NEDD9: variants seen among roughly 807,000 people sequenced by gnomAD.
NEDD9 encodes the protein enhancer of filamentation 1.
In NEDD9, 26 loss-of-function variants were observed where a neutral mutation model predicts 76.6. That is an observed-to-expected ratio of 0.34 (90% confidence interval 0.25 to 0.47). NEDD9 has a LOEUF of 0.47. Ranked by LOEUF, NEDD9 falls within the 20% of genes least tolerant of loss-of-function variation. The pLI, the probability that NEDD9 is intolerant of heterozygous loss-of-function variation, is 1.00. For missense variants in NEDD9, 937 were observed against 1,058.5 expected, an observed-to-expected ratio of 0.89 and a Z score of 1.59; for synonymous variants, 392 against 414.2, an observed-to-expected ratio of 0.95 and a Z score of 0.65.
chr6:11,305,046 G>A lies in NEDD9; in HGVS notation c.12+946C>T, dbSNP rs540629529. On this transcript the variant is annotated intron_variant, in intron 3 of 3. Coordinates refer to the NEDD9 transcript ENST00000397378. ...TTACTTATCAAATTATTTAAAGAAA[G>A]CATTTCTTATTATATTTACCTTGGA... The A allele has an allele frequency of 1.0e-4, 127 of 1,247,618 alleles. No individual in the cohort carries two copies. In the South Asian group the frequency reaches 1.6e-3, roughly 16 times the overall value. The allele number at this position is 1,247,618 out of a possible 1,614,324, so 77.3% of individuals were successfully genotyped here. A position where few individuals can be genotyped will look rare whatever the true frequency, so the allele number is the denominator to read the frequency against.
chr6:11,190,742 G>A lies in NEDD9; in HGVS notation c.1127C>T (p.Thr376Ile). The part of the protein sequence containing the change: ...NRLSFSSTGS[T>I]RSNMSTSSTS... ...GGAAGACGTGGACATGTTACTCCGG[G>A]TGCTGCCTGTACTGGAGAAAGACAA... The change falls in exon 5 of 7, where the codon ACC (threonine) becomes ATC (isoleucine). Residue 376 changes from threonine (T) to isoleucine (I), a missense_variant. Physicochemically the swap from Thr to Ile is moderately conservative, Grantham distance 89 (BLOSUM62 -1). Transcript: ENST00000379446. This position sits in a 1 kb window ranked among gnomAD's most constrained non-coding sequence, Gnocchi z 5.8. 1 of 1,614,148 alleles carries A rather than the reference G, an allele frequency of 6.2e-7. No homozygotes were observed. Among genetic ancestry groups the A allele is most frequent in the Non-Finnish European group, 8.5e-7 (1 of 1,180,036 alleles).
At chr6:11,238,358 G>A (rs1043840453) in intron 3 of NEDD9, among the ~76,000 whole-genome samples, 12 of 152,164 alleles carry the variant, frequency 7.9e-5, no homozygotes, top group African/African-American at 2.7e-4. Flanking sequence ...GAGCTATATT[G>A]CTGCCATTCT....
At chr6:11,210,766 G>GGGGAGAGAGA (rs1554125281) in intron 2 of NEDD9, among the ~76,000 whole-genome samples, 2 of 121,852 alleles carry the variant, frequency 1.6e-5, no homozygotes, top group South Asian at 2.9e-4. Flanking sequence ...AGGGATGGGG[G>GGGGAGAGAGA]GAGAGAGAGA....
intron 1 of NEDD9, chr6:11,352,918 T>G (rs1352687133): frequency 1.3e-5 from 2 of 152,280 alleles, no homozygotes; most frequent in East Asian, 3.8e-4. Context: ...TTGGCAGAGT[T>G]ATTTGAGGAT....
intron 1 of NEDD9, among the ~76,000 whole-genome samples, chr6:11,368,689 C>T (rs866494926): frequency 2.0e-5 from 3 of 152,218 alleles, no homozygotes; most frequent in Admixed American, 1.3e-4. Context: ...AATATCATTT[C>T]GGCTTTCTTT....
chr6:11,342,002 C>G lies in NEDD9; in HGVS notation c.-213-7441G>C, dbSNP rs145772521. Among the ~76,000 whole-genome samples the G allele has an allele frequency of 3.1e-3, 468 of 151,852 alleles. 2 individuals carry two copies. Among genetic ancestry groups the G allele is most frequent in the Non-Finnish European group, 5.9e-3 (400 of 67,944 alleles). ...GAATTTTTAGTAGATAAATGGGAAC[C>G]CTAAAAAGAAACAAATGGAAATTCT... On this transcript the variant is annotated intron_variant, in intron 1 of 3. Transcript: ENST00000397378.
At chr6:11,233,925 C>T (rs545155353), upstream of NEDD9, among the ~76,000 whole-genome samples, 3 of 152,094 alleles carry the variant, frequency 2.0e-5, no homozygotes, top group South Asian at 6.2e-4. Context: ...ATCTGATTCC[C>T]TTCGCGTCTA....
chr6:11,206,095 A>C (rs1217995228), intron 2 of NEDD9, among the ~76,000 whole-genome samples: 4 of 152,186 alleles, frequency 2.6e-5, no homozygotes, highest in African/African-American at 9.7e-5. Context: ...CATTTTGCAC[A>C]ATGTAGTCAA....
At chr6:11,305,301 CAG>C (rs1761153263) in intron 3 of NEDD9, 10 of 444,984 alleles carry the variant, frequency 2.2e-5, no homozygotes, top group Non-Finnish European at 3.4e-5. Context: ...AACACAGAAA[CAG>C]AGATTCAAAA....
At chr6:11,372,784 T>A (rs1171390098) in intron 1 of NEDD9, among the ~76,000 whole-genome samples, 1 of 152,224 alleles carries the variant, frequency 6.6e-6, no homozygotes. Flanking sequence ...CTGCTTGCCA[T>A]TTGTATTTTT....
At chr6:11,188,164 G>A in intron 6 of NEDD9, 54 bp downstream of exon 6, 1 of 1,306,718 alleles carries the variant, frequency 7.7e-7, no homozygotes, top group Non-Finnish European at 1.1e-6. Flanking sequence ...TTTCCTTAGT[G>A]CTAGGTGGGA....
At chr6:11,248,275 T>C (rs1759848708) in intron 3 of NEDD9, among the ~76,000 whole-genome samples, 1 of 151,800 alleles carries the variant, frequency 6.6e-6, no homozygotes, top group Admixed American at 6.6e-5. Context: ...AGAAGTCATG[T>C]GCCAGATACA....
intron 1 of NEDD9, among the ~76,000 whole-genome samples, chr6:11,216,035 T>A (rs994850111): frequency 2.0e-5 from 3 of 152,158 alleles, no homozygotes; most frequent in African/African-American, 7.2e-5. Flanking sequence ...TCTTACCACC[T>A]GGTGAGCAGC....
intron 1 of NEDD9, among the ~76,000 whole-genome samples, chr6:11,219,983 C>T (rs1044618673): frequency 6.6e-6 from 1 of 152,138 alleles, no homozygotes; most frequent in Non-Finnish European, 1.5e-5. Flanking sequence ...AAGTCACAGG[C>T]ATGAAGCTTT....
intron 3 of NEDD9, among the ~76,000 whole-genome samples, chr6:11,280,491 G>C (rs928582293): frequency 4.6e-5 from 7 of 152,218 alleles, no homozygotes; most frequent in African/African-American, 1.7e-4. Context: ...CCATGGGGAG[G>C]ACTGGGTGTC....
chr6:11,253,023 A>G (rs985469864), intron 3 of NEDD9, among the ~76,000 whole-genome samples: 5 of 152,220 alleles, frequency 3.3e-5, no homozygotes, highest in South Asian at 2.1e-4. Flanking sequence ...GAGTAGGGGC[A>G]CGAGAATGTT....
At chr6:11,354,901 G>T (rs1442675467) in intron 1 of NEDD9, among the ~76,000 whole-genome samples, 1 of 152,186 alleles carries the variant, frequency 6.6e-6, no homozygotes, top group African/African-American at 2.4e-5. Context: ...GCGGGTGTGT[G>T]GAGCTGCATG....
intron 3 of NEDD9, among the ~76,000 whole-genome samples, chr6:11,282,662 T>G (rs1273307664): frequency 2.0e-5 from 3 of 152,214 alleles, no homozygotes; most frequent in Non-Finnish European, 2.9e-5. Flanking sequence ...GCATGGAACC[T>G]AAACCCTACA....
At chr6:11,194,025 A>C (rs1449178283) in intron 2 of NEDD9, among the ~76,000 whole-genome samples, 1 of 151,986 alleles carries the variant, frequency 6.6e-6, no homozygotes, top group African/African-American at 2.4e-5. Flanking sequence ...ATGCCCAGCT[A>C]ATTTTTTGTA....
Sources: gnomAD v4.1 joint callset for allele counts (sites outside exome capture counted in the v4.1 genomes callset) on GRCh38, gnomAD v4.1.1 for gene constraint, Gnocchi (gnomAD v3.1) non-coding constraint, MANE v1.5 for transcripts, NCBI Gene and HGNC (gene_info 2026-07-23, HGNC 2026-07-21) for gene names.